Variants in ROBO1 observed in about 807,000 individuals in gnomAD.
ROBO1 encodes the protein roundabout homolog 1.
A neutral mutation model predicts 195.9 loss-of-function variants in ROBO1; 149 were observed. The observed-to-expected ratio is 0.76, with a 90% CI of 0.67 to 0.87. The LOEUF (loss-of-function observed/expected upper bound fraction) is 0.87. ROBO1 is among the 40% of genes least tolerant of loss of function. ROBO1 has a pLI of 0.00. For synonymous variants in ROBO1, 816 were observed against 733.2 expected (o/e 1.11, Z -1.82); for missense variants, 1,933 against 2,068.3 (o/e 0.93, Z 1.27).
At position 79,725,579 on chromosome 3, in the gene ROBO1, T is replaced by C. The variant is rs79408233; in HGVS notation, c.-51+42173A>G. 6.7e-3 allele frequency among the ~76,000 whole-genome samples: 1,014 copies of C among 152,258 alleles called. 9 individuals are homozygous for C. The highest frequency in any genetic ancestry group is 0.023 in the African/African-American group (966 of 41,554). On this transcript the variant is annotated intron_variant, in intron 1 of 30. Coordinates refer to ENST00000464233, the MANE Select transcript of ROBO1 (RefSeq NM_002941.4). ...TGCAGCCAACATGCAATGAAGACAA[T>C]GATTTTCATTTTAAGAGTGGCAGAG...
chr3:78,608,868 A>G (rs111565287), intron 28 of ROBO1, among the ~76,000 whole-genome samples: 1,716 of 152,290 alleles, frequency 0.011, 31 homozygotes, highest in South Asian at 0.096. Flanking sequence ...AAAGAACATC[A>G]CTGAAGGTAC....
chr3:79,296,274 C>T (rs2032594934), intron 2 of ROBO1, among the ~76,000 whole-genome samples: 2 of 152,088 alleles, frequency 1.3e-5, no homozygotes, highest in South Asian at 4.1e-4. Context: ...CTCAATAATG[C>T]ATTAATACTC....
rs187453261 is a variant in ROBO1 at position 79,145,561 on chromosome 3, C to A, written c.89-20022G>T. Reference sequence around the variant, plus strand: ...AAAATCTTGTCATAAGACTTTGTAACAAACCTTATGTAAGCTAAAAAATTG... The same window carrying A: ...AAAATCTTGTCATAAGACTTTGTAAAAAACCTTATGTAAGCTAAAAAATTG... On this transcript the variant is annotated intron_variant, in intron 2 of 30. Transcript: ENST00000464233. Among the ~76,000 whole-genome samples, 615 of 151,922 alleles carry A rather than the reference C, an allele frequency of 4.0e-3. 3 individuals carry two copies. The highest frequency in any genetic ancestry group is 0.012 in the Admixed American group (185 of 15,206).
chr3:79,511,595 C>A (rs1430197174), intron 2 of ROBO1, among the ~76,000 whole-genome samples: 1 of 152,030 alleles, frequency 6.6e-6, no homozygotes, highest in African/African-American at 2.4e-5. Flanking sequence ...TCAATACTGG[C>A]AAATTATATC....
At chr3:78,606,704 A>G in intron 29 of ROBO1, 29 bp downstream of exon 29, 1 of 1,603,958 alleles carries the variant, frequency 6.2e-7, no homozygotes, top group Non-Finnish European at 8.5e-7. Context: ...CTCAATCTGT[A>G]TTTATTTGCT....
At chr3:79,123,189 C>T (rs139843102) in intron 3 of ROBO1, among the ~76,000 whole-genome samples, 247 of 152,006 alleles carry the variant, frequency 1.6e-3, no homozygotes, top group African/African-American at 5.5e-3. Flanking sequence ...CTCTAGACAA[C>T]TTACATTAAA....
chr3:78,629,330 T>C (rs1705028094), intron 25 of ROBO1, among the ~76,000 whole-genome samples: 1 of 152,094 alleles, frequency 6.6e-6, no homozygotes, highest in African/African-American at 2.4e-5. Flanking sequence ...TATTCACTTA[T>C]TTCATTTTAG....
chr3:79,216,586 C>T (rs1192166008), intron 2 of ROBO1, among the ~76,000 whole-genome samples: 1 of 151,864 alleles, frequency 6.6e-6, no homozygotes, highest in African/African-American at 2.4e-5. Flanking sequence ...TACCTCCGAA[C>T]AGTAATATTT....
At chr3:79,547,057 T>C (rs924560349) in intron 2 of ROBO1, among the ~76,000 whole-genome samples, 16 of 150,932 alleles carry the variant, frequency 1.1e-4, no homozygotes, top group East Asian at 2.0e-4. Flanking sequence ...TGGTGGCGGG[T>C]GCCTCTAGTC....
intron 3 of ROBO1, among the ~76,000 whole-genome samples, chr3:78,946,798 C>T (rs1217086945): frequency 1.3e-5 from 2 of 152,050 alleles, no homozygotes; most frequent in Non-Finnish European, 2.9e-5. Flanking sequence ...CAGAGACACA[C>T]ATAGGCTCAA....
intron 1 of ROBO1, among the ~76,000 whole-genome samples, chr3:79,709,172 G>A (rs1270312220): frequency 6.6e-6 from 1 of 152,096 alleles, no homozygotes; most frequent in Non-Finnish European, 1.5e-5. Flanking sequence ...ATTCATGACT[G>A]ATATTTAAGA....
At chr3:78,692,039 G>T (rs1437929829) in intron 8 of ROBO1, among the ~76,000 whole-genome samples, 1 of 150,888 alleles carries the variant, frequency 6.6e-6, no homozygotes, top group Non-Finnish European at 1.5e-5. Context: ...ATATAATATA[G>T]ATTATATAAT....
At chr3:79,750,817 A>G (rs985018501) in intron 1 of ROBO1, among the ~76,000 whole-genome samples, 4 of 152,202 alleles carry the variant, frequency 2.6e-5, no homozygotes, top group African/African-American at 9.7e-5. Flanking sequence ...CAGCTTGAAT[A>G]TGAACTAATA....
intron 4 of ROBO1, among the ~76,000 whole-genome samples, chr3:78,884,255 C>T (rs906459096): frequency 6.6e-6 from 1 of 152,060 alleles, no homozygotes; most frequent in African/African-American, 2.4e-5. Context: ...GTTACAGAAG[C>T]AATGCAGTGG....
intron 2 of ROBO1, among the ~76,000 whole-genome samples, chr3:79,355,039 G>A (rs561952585): frequency 7.2e-5 from 11 of 152,114 alleles, no homozygotes; most frequent in South Asian, 4.1e-4. Flanking sequence ...GGTGGCGGGC[G>A]CCTGTAATCC....
intron 4 of ROBO1, among the ~76,000 whole-genome samples, chr3:78,815,865 T>C (rs891785438): frequency 1.3e-5 from 2 of 152,204 alleles, no homozygotes; most frequent in Non-Finnish European, 2.9e-5. Context: ...GTGTCATTCA[T>C]GAGGGTTGAA....
intron 1 of ROBO1, among the ~76,000 whole-genome samples, chr3:79,682,734 T>G (rs1946986320): frequency 1.3e-5 from 2 of 151,988 alleles, no homozygotes; most frequent in Admixed American, 6.6e-5. Context: ...ACTTCCTCAT[T>G]ACAGAATTGC....
intron 4 of ROBO1, among the ~76,000 whole-genome samples, chr3:78,803,490 T>A (rs112119158): frequency 2.0e-5 from 3 of 152,110 alleles, no homozygotes; most frequent in African/African-American, 7.2e-5. Context: ...TAACTCTTAT[T>A]ATGAGATGTT....
rs572052261 is a variant in ROBO1, at chr3:79,392,497, C to T, written c.88+197327G>A. On this transcript the variant is annotated intron_variant, in intron 2 of 30. Coordinates refer to ENST00000464233, the MANE Select transcript of ROBO1 (RefSeq NM_002941.4). ...ATAGGAACTGCATATAGGCTTTACA[C>T]ACTAGATTATTTGAATGGGTTTTTA... 2.0e-5 allele frequency among the ~76,000 whole-genome samples: 3 copies of T among 152,210 alleles called. No individual in the cohort carries two copies. In the South Asian group the frequency reaches 6.2e-4, roughly 32 times the overall value.
Sources: allele counts gnomAD v4.1 joint callset (sites outside exome capture counted in the v4.1 genomes callset), GRCh38; gene constraint gnomAD v4.1.1; transcripts MANE v1.5; gene names NCBI Gene and HGNC (gene_info 2026-07-23, HGNC 2026-07-21).